The following LGR5 variants were observed in gnomAD, a reference collection of about 807,000 sequenced individuals.
The protein encoded by LGR5 is leucine rich repeat containing G protein-coupled receptor 5.
Under a neutral mutation model 76.7 loss-of-function variants are expected in LGR5, and 54 were observed. The ratio of observed to expected loss-of-function variants is 0.70; its 90% CI spans 0.57 to 0.88. The LOEUF (loss-of-function observed/expected upper bound fraction) is 0.88, where lower values mean the gene tolerates loss of function less well. Among genes scored for constraint, LGR5 ranks in the 40% least tolerant of loss-of-function variants. The pLI, the probability that LGR5 is intolerant of heterozygous loss-of-function variation, is 0.00. For missense variants in LGR5, 1,078 were observed against 1,073.3 expected, an observed-to-expected ratio of 1.00 and a Z score of -0.06; for synonymous variants, 406 against 421.9, an observed-to-expected ratio of 0.96 and a Z score of 0.46.
intron 1 of LGR5, among the ~76,000 whole-genome samples, chr12:71,502,283 T>C (rs113136184): frequency 3.5e-4 from 52 of 150,092 alleles, no homozygotes; most frequent in African/African-American, 1.1e-3. Flanking sequence ...CTGCAACCTC[T>C]GCCTCCTGGG....
intron 1 of LGR5, among the ~76,000 whole-genome samples, chr12:71,493,134 G>T (rs1874150328): frequency 6.6e-6 from 1 of 151,192 alleles, no homozygotes; most frequent in Admixed American, 6.6e-5. Context: ...CTTTTTATTT[G>T]TATACATAGT....
At chr12:71,480,413 G>A (rs541572762) in intron 1 of LGR5, among the ~76,000 whole-genome samples, 1 of 151,702 alleles carries the variant, frequency 6.6e-6, no homozygotes, top group South Asian at 2.1e-4. Context: ...AAGCAGGCAG[G>A]CCGGGAGGTG....
chr12:71,573,027 T>C (rs2137458583), intron 13 of LGR5, 106 bp downstream of exon 13: 1 of 749,394 alleles, frequency 1.3e-6, no homozygotes, highest in East Asian at 2.7e-5. Context: ...GGTGGGACTT[T>C]TGTGCATATA....
intron 1 of LGR5, among the ~76,000 whole-genome samples, chr12:71,502,266 C>T (rs1320569026): frequency 6.8e-6 from 1 of 147,806 alleles, no homozygotes; most frequent in Non-Finnish European, 1.5e-5. Flanking sequence ...GGTACAACCT[C>T]AGCTCACTGC....
At chr12:71,445,171 G>A (rs746545652) in intron 1 of LGR5, among the ~76,000 whole-genome samples, 44 of 152,276 alleles carry the variant, frequency 2.9e-4, no homozygotes, top group Non-Finnish European at 5.0e-4. Context: ...TTCCTCAATA[G>A]ATACTTCTGG....
At chr12:71,556,759 C>A in intron 6 of LGR5, 69 bp downstream of exon 6, 1 of 1,218,492 alleles carries the variant, frequency 8.2e-7, no homozygotes, top group Non-Finnish European at 1.2e-6. Context: ...ATCAAAATAG[C>A]CTTAAAGCCA....
At chr12:71,536,929 T>C (rs188683497) in intron 4 of LGR5, among the ~76,000 whole-genome samples, 252 of 152,326 alleles carry the variant, frequency 1.7e-3, no homozygotes, top group Non-Finnish European at 3.3e-3. Context: ...AACTATGTGT[T>C]CCCTGTGAAA....
intron 5 of LGR5, 44 bp from the exon 6 acceptor site, chr12:71,556,561 ATGTTAAGTGTGGTC>A (rs1877775081): frequency 6.5e-6 from 7 of 1,082,886 alleles, no homozygotes; most frequent in Non-Finnish European, 1.0e-5. Flanking sequence ...AGCTATCAAA[ATGTTAAGTGTGGTC>A]TGTGCAGTGT....
intron 4 of LGR5, among the ~76,000 whole-genome samples, chr12:71,543,834 T>C (rs1489180189): frequency 6.6e-6 from 1 of 152,138 alleles, no homozygotes; most frequent in Non-Finnish European, 1.5e-5. Flanking sequence ...AAGAACTTAG[T>C]GAATGATTGG....
At chr12:71,475,833 A>G (rs1045555964) in intron 1 of LGR5, among the ~76,000 whole-genome samples, 1 of 152,184 alleles carries the variant, frequency 6.6e-6, no homozygotes, top group Non-Finnish European at 1.5e-5. Context: ...TTTTTATGGG[A>G]ATATAGATTT....
At chr12:71,460,077 C>T (rs148792890) in intron 1 of LGR5, among the ~76,000 whole-genome samples, 239 of 152,140 alleles carry the variant, frequency 1.6e-3, no homozygotes, top group Middle Eastern at 3.4e-3. Flanking sequence ...GAAAATACTT[C>T]ACAGAGAGGG....
chr12:71,516,247 A>G (rs1013352998), intron 2 of LGR5, among the ~76,000 whole-genome samples: 1 of 152,092 alleles, frequency 6.6e-6, no homozygotes, highest in African/African-American at 2.4e-5. Flanking sequence ...AAGGCCCAGG[A>G]AAGTTAAGTA....
intron 3 of LGR5, among the ~76,000 whole-genome samples, chr12:71,530,939 G>A (rs1876272695): frequency 6.7e-6 from 1 of 148,984 alleles, no homozygotes; most frequent in African/African-American, 2.5e-5. Flanking sequence ...TTCCCACTCA[G>A]CAGGTTATTT....
intron 17 of LGR5, chr12:71,583,445 G>A (rs1259042016): frequency 5.1e-6 from 3 of 586,824 alleles, no homozygotes; most frequent in South Asian, 4.9e-5. Context: ...GGAGCACCGG[G>A]TGTACTCACC....
chr12:71,577,984 C>G lies in LGR5; in HGVS notation c.1268C>G (p.Ser423Cys). 6.2e-7 allele frequency: 1 copy of G among 1,611,756 alleles called. No homozygotes were observed. The highest frequency in any genetic ancestry group is 1.1e-5 in the South Asian group (1 of 91,022). ...IHPNAFSTLP[S>C]LIKLDLSSNL... ...CCCAATGCATTTTCCACTTTGCCAT[C>G]CCTAATAAAGCTGTGAGTATTCCAC... is the stretch of plus-strand genomic sequence containing the variant. Residue 423 changes from serine to cysteine, a missense_variant, in exon 14 of 18, where the codon TCC (serine) becomes TGC (cysteine). Physicochemically the swap from Ser to Cys is moderately radical, Grantham distance 112. Transcript: ENST00000266674.
chr12:71,560,141 A>G (rs1307230201), intron 7 of LGR5, among the ~76,000 whole-genome samples: 3 of 152,234 alleles, frequency 2.0e-5, no homozygotes, highest in Admixed American at 6.5e-5. Context: ...TAGGGACAAC[A>G]ACCCTTGCAC....
chr12:71,482,193 C>G (rs1410880097), intron 1 of LGR5, among the ~76,000 whole-genome samples: 1 of 152,118 alleles, frequency 6.6e-6, no homozygotes, highest in Non-Finnish European at 1.5e-5. Context: ...GATTCTCAAC[C>G]AACTGTGATT....
chr12:71,569,985 G>A (rs1878527853), intron 11 of LGR5, among the ~76,000 whole-genome samples: 1 of 152,162 alleles, frequency 6.6e-6, no homozygotes. Context: ...GCCATAAGAA[G>A]AAATCAGATC....
At chr12:71,473,452 C>T (rs894815794) in intron 1 of LGR5, among the ~76,000 whole-genome samples, 2 of 151,866 alleles carry the variant, frequency 1.3e-5, no homozygotes, top group Non-Finnish European at 2.9e-5. Context: ...GGTTAATTTC[C>T]ACTGCCCTGT....
Sources: gnomAD v4.1 joint callset for allele counts (sites outside exome capture counted in the v4.1 genomes callset) on GRCh38, gnomAD v4.1.1 for gene constraint, MANE v1.5 for transcripts, NCBI Gene and HGNC (gene_info 2026-07-23, HGNC 2026-07-21) for gene names.